CUX2: variants seen among roughly 807,000 people sequenced by gnomAD.
The protein encoded by CUX2 is cut like homeobox 2.
A neutral mutation model predicts 144.8 loss-of-function variants in CUX2; 40 were observed. That is an observed-to-expected ratio of 0.28 (90% CI 0.21 to 0.36). CUX2 has a LOEUF of 0.36. Among genes scored for constraint, CUX2 ranks in the 10% least tolerant of loss-of-function variants. The pLI, the probability that CUX2 is intolerant of heterozygous loss-of-function variation, is 1.00. For missense variants in CUX2, 1,615 were observed against 1,994.0 expected (o/e 0.81, Z 3.62); for synonymous variants, 827 against 875.6 (o/e 0.94, Z 0.98).
chr12:111,300,801 G>A (rs929905618), intron 9 of CUX2, among the ~76,000 whole-genome samples: 1 of 152,140 alleles, frequency 6.6e-6, no homozygotes, highest in African/African-American at 2.4e-5. Flanking sequence ...ACTCTGGGAG[G>A]CCGAGGTGGG....
intron 3 of CUX2, among the ~76,000 whole-genome samples, chr12:111,234,167 G>A (rs1438305991): frequency 6.6e-6 from 1 of 152,158 alleles, no homozygotes; most frequent in African/African-American, 2.4e-5. Context: ...CTGCTGCCCT[G>A]TGGACTCCCT....
At chr12:111,324,122 G>A (rs1190905702) in intron 18 of CUX2, among the ~76,000 whole-genome samples, 6 of 152,004 alleles carry the variant, frequency 3.9e-5, no homozygotes, top group African/African-American at 1.2e-4. Context: ...AGGCCAAGGC[G>A]GGCGGATCAC....
At chr12:111,050,154 T>C (rs1156327546) in intron 1 of CUX2, among the ~76,000 whole-genome samples, 1 of 148,796 alleles carries the variant, frequency 6.7e-6, no homozygotes, top group Non-Finnish European at 1.5e-5. Context: ...ACCCTGCCGC[T>C]TCCCCCACAG....
At chr12:111,191,593 C>A (rs368544638) in intron 1 of CUX2, among the ~76,000 whole-genome samples, 5 of 152,134 alleles carry the variant, frequency 3.3e-5, no homozygotes, top group African/African-American at 1.2e-4. Flanking sequence ...CCCAAAGTGT[C>A]GGGATTACAG....
At chr12:111,080,366 C>T (rs1422894513) in intron 1 of CUX2, among the ~76,000 whole-genome samples, 1 of 152,188 alleles carries the variant, frequency 6.6e-6, no homozygotes, top group South Asian at 2.1e-4. Context: ...TTGCTGATTT[C>T]TCCCATTAAA....
chr12:111,325,217 C>T (rs1295507212), intron 18 of CUX2, among the ~76,000 whole-genome samples: 1 of 151,912 alleles, frequency 6.6e-6, no homozygotes, highest in Admixed American at 6.6e-5. Context: ...TGGTGTGAAT[C>T]CGGGAGGCGG....
chr12:111,192,564 T>C (rs988336284), intron 1 of CUX2, among the ~76,000 whole-genome samples: 14 of 152,110 alleles, frequency 9.2e-5, no homozygotes, highest in African/African-American at 2.9e-4. Context: ...TAATAACCCC[T>C]GCTGGCTGCT....
chr12:111,328,520 C>T (rs1417201363), intron 18 of CUX2, among the ~76,000 whole-genome samples: 1 of 152,096 alleles, frequency 6.6e-6, no homozygotes, highest in African/African-American at 2.4e-5. Context: ...TGTCCCCATA[C>T]ACAGTCCCTG....
intron 19 of CUX2, among the ~76,000 whole-genome samples, chr12:111,336,440 G>A (rs564705819): frequency 4.6e-5 from 7 of 150,970 alleles, no homozygotes; most frequent in South Asian, 2.1e-4. Context: ...GTGTGTGTGT[G>A]TGTGTGTGTG....
intron 10 of CUX2, 130 bp from the exon 11 acceptor site, chr12:111,306,791 A>T: frequency 1.4e-6 from 1 of 699,938 alleles, no homozygotes; most frequent in South Asian, 2.1e-5. Flanking sequence ...ATTTTTCAAC[A>T]CAAGCACACC....
intron 10 of CUX2, among the ~76,000 whole-genome samples, chr12:111,305,904 A>G (rs1434895786): frequency 6.6e-6 from 1 of 151,986 alleles, no homozygotes; most frequent in Non-Finnish European, 1.5e-5. Context: ...GTGTCAGCAT[A>G]TTTGGGAAAC....
At chr12:111,093,406 C>CTG (rs1266062288) in intron 1 of CUX2, among the ~76,000 whole-genome samples, 1 of 152,116 alleles carries the variant, frequency 6.6e-6, no homozygotes, top group African/African-American at 2.4e-5. Context: ...CAGACGAGAA[C>CTG]TGTGTGTGGG....
At chr12:111,101,366 G>A (rs911356788) in intron 1 of CUX2, among the ~76,000 whole-genome samples, 2 of 152,144 alleles carry the variant, frequency 1.3e-5, no homozygotes, top group Non-Finnish European at 2.9e-5. Context: ...TGCAGGGTGT[G>A]ACCCCCTACA....
At chr12:111,065,265 T>A (rs766272740) in intron 1 of CUX2, among the ~76,000 whole-genome samples, 1 of 152,264 alleles carries the variant, frequency 6.6e-6, no homozygotes, top group Non-Finnish European at 1.5e-5. Context: ...AATAAACTAA[T>A]GAGTGGGGCT....
chr12:111,290,571 G>A (rs927459038), intron 4 of CUX2, among the ~76,000 whole-genome samples: 1 of 151,796 alleles, frequency 6.6e-6, no homozygotes, highest in Admixed American at 6.6e-5. Context: ...GGGATTACAG[G>A]TGCCCACCAC....
chr12:111,172,823 G>A (rs1050557607), intron 1 of CUX2, among the ~76,000 whole-genome samples: 2 of 152,260 alleles, frequency 1.3e-5, no homozygotes, highest in African/African-American at 2.4e-5. Flanking sequence ...TAAGTAAGGA[G>A]ATCAGCAGTG....
At chr12:111,100,006 A>T in intron 1 of CUX2, 2 of 457,286 alleles carry the variant, frequency 4.4e-6, no homozygotes, top group South Asian at 3.1e-5. Context: ...ATTTTTGCAC[A>T]TTCGCTTTTT....
At chr12:111,330,680 CATATACATATATATATATATATAT>C (rs1888044930) in intron 18 of CUX2, among the ~76,000 whole-genome samples, 1 of 60,224 alleles carries the variant, frequency 1.7e-5, no homozygotes, top group Non-Finnish European at 3.3e-5. Context: ...TTTAAAAATA[CATATACATATATATATATATATAT>C]ATATATATAT....
chr12:111,184,708 G>A (rs1592814264), intron 1 of CUX2, among the ~76,000 whole-genome samples: 1 of 151,284 alleles, frequency 6.6e-6, no homozygotes, highest in Non-Finnish European at 1.5e-5. Flanking sequence ...GGTGAGCTAT[G>A]ACCACACCAC....
Sources: gnomAD v4.1 joint callset for allele counts (sites outside exome capture counted in the v4.1 genomes callset) on GRCh38, gnomAD v4.1.1 for gene constraint, MANE v1.5 for transcripts, NCBI Gene and HGNC (gene_info 2026-07-23, HGNC 2026-07-21) for gene names.